The following ANKS1B variants were observed in gnomAD, a reference collection of about 807,000 sequenced individuals.
ANKS1B encodes ankyrin repeat and sterile alpha motif domain-containing protein 1B.
In ANKS1B, 36 loss-of-function variants were observed where a neutral mutation model predicts 148.3. That is an observed-to-expected ratio of 0.24 (90% CI 0.19 to 0.32). The LOEUF (loss-of-function observed/expected upper bound fraction) is 0.32, where lower values mean the gene tolerates loss of function less well. Among genes scored for constraint, ANKS1B ranks in the 10% least tolerant of loss-of-function variants. The pLI is 1.00. For synonymous variants in ANKS1B, 542 were observed against 560.8 expected, an observed-to-expected ratio of 0.97 and a Z score of 0.47; for missense variants, 1,157 against 1,542.6, an observed-to-expected ratio of 0.75 and a Z score of 4.19.
intron 1 of ANKS1B, among the ~76,000 whole-genome samples, chr12:99,881,840 G>C (rs984599513): frequency 1.4e-4 from 21 of 152,156 alleles, no homozygotes; most frequent in Admixed American, 1.3e-3. Context: ...TTCACCATAG[G>C]ATGTAAATAA....
chr12:99,201,828 A>G (rs1382795515), intron 14 of ANKS1B, among the ~76,000 whole-genome samples: 2 of 152,224 alleles, frequency 1.3e-5, no homozygotes, highest in Admixed American at 1.3e-4. Context: ...GGGAAGAAAT[A>G]ACTAGGCTGG....
chr12:99,022,600 T>A (rs912464324), intron 17 of ANKS1B, among the ~76,000 whole-genome samples: 12 of 152,298 alleles, frequency 7.9e-5, no homozygotes, highest in Admixed American at 3.3e-4. Context: ...TCTAGTTCAA[T>A]GTTGAATAAA....
intron 20 of ANKS1B, among the ~76,000 whole-genome samples, chr12:98,804,872 A>G (rs2099037876): frequency 6.6e-6 from 1 of 152,220 alleles, no homozygotes; most frequent in South Asian, 2.1e-4. Flanking sequence ...TAAATTTAGT[A>G]ATTTTCCACT....
chr12:98,978,921 A>G (rs2099903388), intron 17 of ANKS1B, among the ~76,000 whole-genome samples: 1 of 152,126 alleles, frequency 6.6e-6, no homozygotes, highest in African/African-American at 2.4e-5. Context: ...AGACAGGCAG[A>G]TCATGAGGTC....
At chr12:99,846,146 G>A (rs1254202123) in intron 1 of ANKS1B, among the ~76,000 whole-genome samples, 1 of 151,740 alleles carries the variant, frequency 6.6e-6, no homozygotes, top group Non-Finnish European at 1.5e-5. Context: ...CTTGAAAATG[G>A]CCTATAGCTA....
At chr12:99,954,008 G>T (rs148827228) in intron 1 of ANKS1B, among the ~76,000 whole-genome samples, 1 of 152,248 alleles carries the variant, frequency 6.6e-6, no homozygotes, top group Non-Finnish European at 1.5e-5. Context: ...AGAAATAGCG[G>T]CAGCAAGAAA....
chr12:99,982,862 G>A (rs2095724202), intron 1 of ANKS1B, among the ~76,000 whole-genome samples: 2 of 152,072 alleles, frequency 1.3e-5, no homozygotes, highest in South Asian at 4.1e-4. Context: ...AAATCCCATC[G>A]ACTATTTTTC....
intron 14 of ANKS1B, among the ~76,000 whole-genome samples, chr12:99,237,031 A>T (rs1208715971): frequency 1.3e-5 from 2 of 152,168 alleles, no homozygotes; most frequent in African/African-American, 4.8e-5. Context: ...AATAATCTGG[A>T]CAACAAACCT....
chr12:99,715,571 T>C (rs2057205833), intron 8 of ANKS1B, among the ~76,000 whole-genome samples: 1 of 152,194 alleles, frequency 6.6e-6, no homozygotes, highest in Non-Finnish European at 1.5e-5. Flanking sequence ...TGGTGGTCTC[T>C]TCACACGGAT....
chr12:99,504,957 T>G (rs1450976521), intron 9 of ANKS1B, among the ~76,000 whole-genome samples: 1 of 152,076 alleles, frequency 6.6e-6, no homozygotes, highest in East Asian at 1.9e-4. Context: ...AAGACTCTAC[T>G]CCTTTGCCGG....
intron 17 of ANKS1B, among the ~76,000 whole-genome samples, chr12:98,963,839 C>A (rs139143360): frequency 6.6e-6 from 1 of 152,140 alleles, no homozygotes; most frequent in Non-Finnish European, 1.5e-5. Flanking sequence ...GTGGCTCATG[C>A]CTGTAATCCT....
At chr12:99,883,226 C>T (rs554229728) in intron 1 of ANKS1B, among the ~76,000 whole-genome samples, 1 of 152,038 alleles carries the variant, frequency 6.6e-6, no homozygotes, top group Non-Finnish European at 1.5e-5. Context: ...CAAAACTAGG[C>T]CTACAAAAGT....
intron 1 of ANKS1B, among the ~76,000 whole-genome samples, chr12:99,870,692 T>C (rs1219936366): frequency 6.6e-6 from 1 of 152,232 alleles, no homozygotes; most frequent in African/African-American, 2.4e-5. Context: ...CATTTTTTCA[T>C]ATACTTGTTG....
At chr12:98,769,741 C>A (rs966453029) in intron 25 of ANKS1B, among the ~76,000 whole-genome samples, 2 of 152,106 alleles carry the variant, frequency 1.3e-5, no homozygotes, top group African/African-American at 4.8e-5. Context: ...TTTAGATACT[C>A]TGATGAAGGC....
intron 17 of ANKS1B, among the ~76,000 whole-genome samples, chr12:98,851,676 T>C (rs530280308): frequency 6.6e-6 from 1 of 152,218 alleles, no homozygotes; most frequent in African/African-American, 2.4e-5. Context: ...CAGCATATAG[T>C]GTATACTCGG....
At chr12:98,968,789 G>T (rs1017085125) in intron 17 of ANKS1B, among the ~76,000 whole-genome samples, 2 of 152,030 alleles carry the variant, frequency 1.3e-5, no homozygotes, top group Admixed American at 1.3e-4. Flanking sequence ...TAGGAGGGAG[G>T]GAGGGAGGGT....
intron 1 of ANKS1B, among the ~76,000 whole-genome samples, chr12:99,874,239 T>A (rs1015556241): frequency 6.6e-6 from 1 of 151,964 alleles, no homozygotes; most frequent in Non-Finnish European, 1.5e-5. Flanking sequence ...ATAGAATAAA[T>A]AAACTGCAAT....
intron 1 of ANKS1B, among the ~76,000 whole-genome samples, chr12:99,932,361 T>C (rs1458214187): frequency 6.6e-6 from 1 of 152,160 alleles, no homozygotes; most frequent in East Asian, 1.9e-4. Context: ...CTGTTCTCCA[T>C]AGTGGCTCTA....
intron 10 of ANKS1B, among the ~76,000 whole-genome samples, chr12:99,468,643 A>G (rs1180481317): frequency 1.3e-5 from 2 of 152,238 alleles, no homozygotes; most frequent in Non-Finnish European, 2.9e-5. Context: ...ATGAACAGAC[A>G]CTTCTCAAAA....
Sources: gnomAD v4.1 joint callset for allele counts (sites outside exome capture counted in the v4.1 genomes callset) on GRCh38, gnomAD v4.1.1 for gene constraint, MANE v1.5 for transcripts, NCBI Gene and HGNC (gene_info 2026-07-23, HGNC 2026-07-21) for gene names.